PRR14L: variants seen among roughly 807,000 people sequenced by gnomAD.
PRR14L encodes the protein proline rich 14 like.
In PRR14L, 80 loss-of-function variants were observed where a neutral mutation model predicts 155.0. The observed-to-expected ratio is 0.52, with a 90% CI of 0.43 to 0.62. PRR14L has a LOEUF of 0.62. Ranked by LOEUF, PRR14L falls within the 20% of genes least tolerant of loss-of-function variation. PRR14L has a pLI of 0.00. For missense variants in PRR14L, 2,469 were observed against 2,548.0 expected (o/e 0.97, Z 0.67); for synonymous variants, 883 against 916.0 (o/e 0.96, Z 0.65).
Position 31,712,063 on chromosome 22 carries a change from G to T in PRR14L, c.5756+20C>A. Reference sequence around the variant, plus strand: ...GAAGCAAATATGGGACATTTGTAAAGAACAGGGGACAGATTTTACCTGCTT... The same window carrying T: ...GAAGCAAATATGGGACATTTGTAAATAACAGGGGACAGATTTTACCTGCTT... On this transcript the variant is annotated intron_variant, in intron 4 of 8. Coordinates refer to ENST00000327423, the MANE Select transcript of PRR14L (RefSeq NM_173566.3). The T allele has an allele frequency of 1.3e-6, 2 of 1,588,674 alleles. No homozygotes were observed. The highest frequency in any genetic ancestry group is 1.1e-5 in the South Asian group (1 of 87,512).
chr22:31,736,158 G>C (rs1357851791), intron 2 of PRR14L, among the ~76,000 whole-genome samples: 9 of 150,818 alleles, frequency 6.0e-5, no homozygotes, highest in Admixed American at 4.0e-4. Context: ...GGCGGAGCTT[G>C]CAGTGAGCTG....
Position 31,721,953 on chromosome 22 carries a change from A to C in PRR14L, c.547+3585T>G, listed in dbSNP as rs563710942. ...GTAGTAGCAGAGGTTCACTTACTAA[A>C]CAACTTGGTGCAGGGGATCCCAAAT... On this transcript the variant is annotated intron_variant, in intron 3 of 8. Transcript: ENST00000327423. Among the ~76,000 whole-genome samples, 9 of 152,252 alleles carry C rather than the reference A, an allele frequency of 5.9e-5. No homozygotes were observed. In the East Asian group the frequency reaches 1.7e-3, roughly 29 times the overall value.
Position 31,713,311 on chromosome 22 carries a change from AG to A in PRR14L, c.4527del (p.Phe1510LeufsTer9). ...SSAGCDQIHG[A>X]FAKKGVLPLK... is the part of the protein sequence containing the mutation. ...AAGGGAAGAACTCCTTTCTTCGCAAAGGCACCATGTATTTGATCACACCCAG... is the reference window on the plus strand; with the variant it reads ...AAGGGAAGAACTCCTTTCTTCGCAAAGCACCATGTATTTGATCACACCCAG... On this transcript the variant is annotated frameshift_variant, in exon 4 of 9. Coordinates refer to ENST00000327423, the MANE Select transcript of PRR14L (RefSeq NM_173566.3). LOFTEE classifies it high-confidence loss of function. 6.4e-7 allele frequency: 1 copy of A among 1,552,302 alleles called. No homozygotes were observed. The highest frequency in any genetic ancestry group is 8.7e-7 in the Non-Finnish European group (1 of 1,147,122).
intron 7 of PRR14L, among the ~76,000 whole-genome samples, chr22:31,689,081 T>A (rs562907060): frequency 6.6e-6 from 1 of 152,352 alleles, no homozygotes; most frequent in East Asian, 1.9e-4. Context: ...TGGTTTTAAA[T>A]TTTTTAAAGT....
At position 31,745,857 on chromosome 22, in the gene PRR14L, A is replaced by ATAT. The variant is rs1169875448; in HGVS notation, c.-52+4135_-52+4136insATA. On this transcript the variant is annotated intron_variant, in intron 1 of 8. Coordinates refer to ENST00000327423, the MANE Select transcript of PRR14L (RefSeq NM_173566.3). ...GAGACTCAGTTTAAAAAAAAAAAAAAAAAAATATATATATATATATAAGCC... is the reference window on the plus strand; with the variant it reads ...GAGACTCAGTTTAAAAAAAAAAAAAATATAAAAATATATATATATATATAAGCC... Among the ~76,000 whole-genome samples, 298 of 143,418 alleles carry ATAT rather than the reference A, an allele frequency of 2.1e-3. 1 individual carries two copies. The highest frequency in any genetic ancestry group is 6.0e-3 in the African/African-American group (225 of 37,646). The allele number at this position is 143,418 out of a possible 152,430, so 94.1% of individuals were successfully genotyped here. A position where few individuals can be genotyped will look rare whatever the true frequency, so the allele number is the denominator to read the frequency against.
Position 31,714,631 on chromosome 22 carries a change from C to T in PRR14L, c.3208G>A (p.Asp1070Asn). Residue 1070 changes from aspartate (D) to asparagine (N), a missense_variant, in exon 4 of 9, where the codon GAC (aspartate) becomes AAC (asparagine). By Grantham distance (23) the Asp-to-Asn change is conservative. Coordinates refer to ENST00000327423, the MANE Select transcript of PRR14L (RefSeq NM_173566.3). Reference sequence around the variant, plus strand: ...TCCAGTAGATTAGATGCCTTCACGTCCAGCACACCTTCTGCAAGCTTATTA... The same window carrying T: ...TCCAGTAGATTAGATGCCTTCACGTTCAGCACACCTTCTGCAAGCTTATTA... Reference protein sequence around the residue: ...CSNKLAEGVLDVKASNLLDCG... With the variant: ...CSNKLAEGVLNVKASNLLDCG... 1 of 1,552,060 alleles carries T rather than the reference C, an allele frequency of 6.4e-7. No homozygotes were observed. Among genetic ancestry groups the T allele is most frequent in the Non-Finnish European group, 8.7e-7 (1 of 1,147,086 alleles).
At chr22:31,688,262 C>G (rs1300335695) in intron 7 of PRR14L, 35 bp from the exon 8 acceptor site, 2 of 1,525,138 alleles carry the variant, frequency 1.3e-6, no homozygotes, top group Admixed American at 2.2e-5. Flanking sequence ...TCTTCAGGTT[C>G]TCTCTCTCTT....
chr22:31,738,001 T>A (rs1188417712), intron 2 of PRR14L, among the ~76,000 whole-genome samples: 1 of 151,088 alleles, frequency 6.6e-6, no homozygotes, highest in Non-Finnish European at 1.5e-5. Flanking sequence ...GGTGACAGAA[T>A]GAGACCTTCT....
intron 1 of PRR14L, among the ~76,000 whole-genome samples, chr22:31,742,928 C>T (rs2147878209): frequency 6.6e-6 from 1 of 152,234 alleles, no homozygotes; most frequent in Admixed American, 6.5e-5. Context: ...ATGAATGAAC[C>T]TTGAAGACAT....
chr22:31,703,183 A>G (rs2074571837), intron 6 of PRR14L, among the ~76,000 whole-genome samples: 1 of 152,242 alleles, frequency 6.6e-6, no homozygotes, highest in Non-Finnish European at 1.5e-5. Context: ...CAGTTCAGAT[A>G]TTGAGACTGT....
chr22:31,686,993 A>G (rs2074485198), intron 8 of PRR14L, among the ~76,000 whole-genome samples: 1 of 152,314 alleles, frequency 6.6e-6, no homozygotes, highest in African/African-American at 2.4e-5. Context: ...TGAAGTCAGC[A>G]TATTTGGTAA....
rs777299846 is a variant in PRR14L, at chr22:31,713,155, G to A, written c.4684C>T (p.His1562Tyr). ...AGAGTACACAAACTGAGAAGTCTGT[G>A]CGCTTTTGTGGGGATGGGATTGGAA... Reference protein sequence around the residue: ...SSSNPIPTKAHRLLSLCTLSA... With the variant: ...SSSNPIPTKAYRLLSLCTLSA... The change falls in exon 4 of 9, where the codon CAC becomes TAC. Residue 1562 changes from histidine to tyrosine, a missense_variant. Physicochemically the swap from His to Tyr is moderately conservative, Grantham distance 83. Transcript: ENST00000327423. 2 of 1,552,034 alleles carry A rather than the reference G, an allele frequency of 1.3e-6. No individual in the cohort carries two copies. The highest frequency in any genetic ancestry group is 1.7e-6 in the Non-Finnish European group (2 of 1,147,044).
chr22:31,715,190 A>T lies in PRR14L; in HGVS notation c.2649T>A (p.Ser883Arg), dbSNP rs778607343. 1 of 1,551,972 alleles carries T rather than the reference A, an allele frequency of 6.4e-7. No homozygotes were observed. Among genetic ancestry groups the T allele is most frequent in the East Asian group, 2.4e-5 (1 of 40,916 alleles). Reference protein sequence around the residue: ...RNKMVAGLLNSGISNKTIHTS... With the variant: ...RNKMVAGLLNRGISNKTIHTS... The stretch of plus-strand genomic sequence containing the variant: ...TGTGAATGGTTTTGTTTGAAATTCC[A>T]CTATTTAACAAGCCTGCTACCATTT... Residue 883 changes from serine (S) to arginine (R), a missense_variant, in exon 4 of 9, where the codon AGT becomes AGA. Ser to Arg is a moderately radical substitution (Grantham distance 110). This residue lies in a region of PRR14L where 2,363 missense variants were observed against 2,371.6 expected (regional missense o/e 1.00). Transcript: ENST00000327423.
Position 31,712,742 on chromosome 22 carries a change from G to A in PRR14L, c.5097C>T (p.Thr1699=). 2 of 1,551,808 alleles carry A rather than the reference G, an allele frequency of 1.3e-6. No homozygotes were observed. The highest frequency in any genetic ancestry group is 4.9e-5 in the East Asian group (2 of 40,928). The change falls in exon 4 of 9, where the codon ACC becomes ACT. Residue 1699 remains threonine (T), a synonymous_variant. Transcript: ENST00000327423. The part of the protein sequence containing the change: ...ALYSLESIKM[T]FIDLSNKMPS... Reference sequence around the variant, plus strand: ...GCATCTTGTTGCTCAAATCTATGAAGGTCATCTTGATGGATTCGAGAGAAT... The same window carrying A: ...GCATCTTGTTGCTCAAATCTATGAAAGTCATCTTGATGGATTCGAGAGAAT...
chr22:31,685,402 A>T lies in PRR14L; in HGVS notation c.*125T>A. 3 of 745,482 alleles carry T rather than the reference A, an allele frequency of 4.0e-6. No individual in the cohort carries two copies. Among genetic ancestry groups the T allele is most frequent in the African/African-American group, 3.6e-5 (2 of 55,816 alleles). The allele number at this position is 745,482 out of a possible 1,614,324, so 46.2% of individuals were successfully genotyped here. A position where few individuals can be genotyped will look rare whatever the true frequency, so the allele number is the denominator to read the frequency against. ...AAAATTCATGGACTGTGCATTTTTG[A>T]GTGGTTTGGCGGTAGGGCAAAATTA... is the stretch of plus-strand genomic sequence containing the variant. On this transcript the variant is annotated 3_prime_UTR_variant, in exon 9 of 9. Coordinates refer to ENST00000327423, the MANE Select transcript of PRR14L (RefSeq NM_173566.3).
At chr22:31,719,697 G>A (rs929803412) in intron 3 of PRR14L, among the ~76,000 whole-genome samples, 1 of 151,724 alleles carries the variant, frequency 6.6e-6, no homozygotes, top group Admixed American at 6.6e-5. Context: ...AGCCCTGACT[G>A]TGAAGCCAGA....
rs1251084027 is a variant in PRR14L, at chr22:31,686,259, C to T, written c.6180-456G>A. 1.1e-4 allele frequency among the ~76,000 whole-genome samples: 17 copies of T among 149,606 alleles called. No individual in the cohort carries two copies. In the East Asian group the frequency reaches 2.3e-3, roughly 21 times the overall value. ...GACTACAGGTGCCCACCACCACGCCCGGCTAATTTTTTTTTTTTTTTTGTA... is the reference window on the plus strand; with the variant it reads ...GACTACAGGTGCCCACCACCACGCCTGGCTAATTTTTTTTTTTTTTTTGTA... On this transcript the variant is annotated intron_variant, in intron 8 of 8. Transcript: ENST00000327423.
chr22:31,727,699 G>A (rs1012465695), intron 2 of PRR14L, among the ~76,000 whole-genome samples: 1 of 152,010 alleles, frequency 6.6e-6, no homozygotes, highest in Non-Finnish European at 1.5e-5. Flanking sequence ...GAATGAATCA[G>A]GGCCGGGTGC....
intron 4 of PRR14L, among the ~76,000 whole-genome samples, chr22:31,710,220 G>T (rs2147861476): frequency 6.6e-6 from 1 of 152,270 alleles, no homozygotes. Flanking sequence ...AGGCTTACAG[G>T]CATGAGCCAC....
Sources: allele counts gnomAD v4.1 joint callset (sites outside exome capture counted in the v4.1 genomes callset), GRCh38; gene constraint gnomAD v4.1.1; regional missense constraint gnomAD v4.1.1; transcripts MANE v1.5; gene names NCBI Gene and HGNC (gene_info 2026-07-23, HGNC 2026-07-21).